Variants in FGFR2 observed in about 807,000 individuals in gnomAD.
The protein encoded by FGFR2 is fibroblast growth factor receptor 2.
FGFR2 carries 19 observed loss-of-function variants against 95.9 expected under a neutral mutation model. That is an observed-to-expected ratio of 0.20 (90% CI 0.14 to 0.29). The LOEUF is 0.29. FGFR2 is among the 10% of genes least tolerant of loss of function. FGFR2 has a pLI of 1.00. For synonymous variants in FGFR2, 392 were observed against 393.3 expected (o/e 1.00, Z 0.04); for missense variants, 707 against 1,056.9 (o/e 0.67, Z 4.59).
At chr10:121,539,458 AC>A (rs1255487009) in intron 5 of FGFR2, among the ~76,000 whole-genome samples, 1 of 152,186 alleles carries the variant, frequency 6.6e-6, no homozygotes. Flanking sequence ...TGTGACTCCT[AC>A]CCAAGGTACC....
At chr10:121,573,295 C>T (rs1301472521) in intron 2 of FGFR2, among the ~76,000 whole-genome samples, 2 of 152,304 alleles carry the variant, frequency 1.3e-5, no homozygotes, top group South Asian at 2.1e-4. Context: ...TTTCTACCAA[C>T]GGCACAGCTC....
chr10:121,505,892 T>G (rs1848203700), intron 9 of FGFR2, among the ~76,000 whole-genome samples: 1 of 152,184 alleles, frequency 6.6e-6, no homozygotes, highest in South Asian at 2.1e-4. Flanking sequence ...TCTGTCCTCC[T>G]AATTCATTCT....
intron 4 of FGFR2, among the ~76,000 whole-genome samples, chr10:121,559,103 C>A (rs2134994317): frequency 3.1e-5 from 3 of 97,618 alleles, no homozygotes; most frequent in Non-Finnish European, 4.1e-5. Context: ...TGTCTCAATC[C>A]AAAAGGAGAA....
intron 4 of FGFR2, among the ~76,000 whole-genome samples, chr10:121,552,168 A>C (rs1373088402): frequency 6.6e-6 from 1 of 152,216 alleles, no homozygotes; most frequent in African/African-American, 2.4e-5. Flanking sequence ...ATGATATGTT[A>C]AAGTTATGCC....
rs1854880785 is a variant in FGFR2 at position 121,548,371 on chromosome 10, A to ATCACTT, written c.624+2913_624+2918dup. 2.0e-5 allele frequency among the ~76,000 whole-genome samples: 3 copies of ATCACTT among 146,366 alleles called. No homozygotes were observed. In the East Asian group the frequency reaches 6.1e-4, roughly 30 times the overall value. The stretch of plus-strand genomic sequence containing the variant: ...AAACGGCTCAGCGTGATACAACAAA[A>ATCACTT]TCACTTTGGTCATCTGCACTCCACA... On this transcript the variant is annotated intron_variant, in intron 5 of 17. Transcript: ENST00000358487.
At chr10:121,514,149 C>T (rs1468882449) in intron 9 of FGFR2, among the ~76,000 whole-genome samples, 1 of 152,234 alleles carries the variant, frequency 6.6e-6, no homozygotes, top group Non-Finnish European at 1.5e-5. Flanking sequence ...GCACCCCGTA[C>T]ATTTTACTAA....
rs143374743 is a variant in FGFR2, at chr10:121,533,159, C to T, written c.748+5433G>A. Among the ~76,000 whole-genome samples the T allele has an allele frequency of 1.7e-3, 261 of 152,296 alleles. 1 individual carries two copies. Among genetic ancestry groups the T allele is most frequent in the African/African-American group, 5.7e-3 (235 of 41,560 alleles). ...ATCTTGGCACTTTGGGAGGCCGAGGCGGGCGGATCACTCCAGGCCAGGTGT... is the reference window on the plus strand; with the variant it reads ...ATCTTGGCACTTTGGGAGGCCGAGGTGGGCGGATCACTCCAGGCCAGGTGT... On this transcript the variant is annotated intron_variant, in intron 6 of 17. Transcript: ENST00000358487.
At chr10:121,567,713 G>A (rs942523090) in intron 2 of FGFR2, among the ~76,000 whole-genome samples, 9 of 152,224 alleles carry the variant, frequency 5.9e-5, no homozygotes, top group African/African-American at 1.9e-4. Context: ...GATGGCCCGC[G>A]GGCCAAGCCA....
intron 13 of FGFR2, among the ~76,000 whole-genome samples, chr10:121,489,989 AC>A (rs1248160546): frequency 6.6e-6 from 1 of 152,138 alleles, no homozygotes; most frequent in Non-Finnish European, 1.5e-5. Flanking sequence ...CCGTCTATCC[AC>A]GTTCTCAGTC....
rs368224180 is a variant in FGFR2 at position 121,538,654 on chromosome 10, T to A, written c.686A>T (p.Tyr229Phe). The A allele has an allele frequency of 1.9e-6, 3 of 1,614,168 alleles. No homozygotes were observed. Among genetic ancestry groups the A allele is most frequent in the Non-Finnish European group, 2.5e-6 (3 of 1,180,034 alleles). ...GTATTCATTCTCCACTACACAGGTA[T>A]AATTTCCCTTGTCAGATGGGACCAC... ...ESVVPSDKGNYTCVVENEYGS... is the reference protein window; with the variant it reads ...ESVVPSDKGNFTCVVENEYGS... The change falls in exon 6 of 18, where the codon TAT becomes TTT. Residue 229 changes from tyrosine to phenylalanine, a missense_variant. Tyr to Phe is a conservative substitution (Grantham distance 22). This residue lies in a region of FGFR2 where 139 missense variants were observed against 278.1 expected (regional missense o/e 0.50). Coordinates refer to ENST00000358487, the MANE Select transcript of FGFR2 (RefSeq NM_000141.5).
At chr10:121,482,910 A>C (rs777838056) in intron 17 of FGFR2, among the ~76,000 whole-genome samples, 6 of 152,032 alleles carry the variant, frequency 3.9e-5, no homozygotes, top group Non-Finnish European at 7.4e-5. Context: ...CGATTCCCCT[A>C]CCTCGCCTCC....
intron 8 of FGFR2, among the ~76,000 whole-genome samples, chr10:121,515,847 T>A (rs1849645250): frequency 6.7e-6 from 1 of 148,942 alleles, no homozygotes; most frequent in African/African-American, 2.5e-5. Context: ...TAGGCTGGTC[T>A]GAAAAAGTTT....
chr10:121,509,975 C>A (rs1456790021), intron 9 of FGFR2, among the ~76,000 whole-genome samples: 1 of 152,056 alleles, frequency 6.6e-6, no homozygotes, highest in Non-Finnish European at 1.5e-5. Context: ...AGGCTGCAAA[C>A]CACCTTCCCC....
intron 2 of FGFR2, among the ~76,000 whole-genome samples, chr10:121,572,768 GGAGA>G: frequency 6.6e-6 from 1 of 152,330 alleles, no homozygotes; most frequent in East Asian, 1.9e-4. Flanking sequence ...CTCTGACTGG[GGAGA>G]GAGAGAAACT....
intron 2 of FGFR2, among the ~76,000 whole-genome samples, chr10:121,575,437 C>T (rs532193830): frequency 1.1e-4 from 17 of 152,252 alleles, no homozygotes; most frequent in Non-Finnish European, 1.8e-4. Context: ...GGTCCCAACA[C>T]GTGTATTAAA....
intron 12 of FGFR2, among the ~76,000 whole-genome samples, chr10:121,497,990 G>A (rs1162212421): frequency 6.6e-6 from 1 of 152,162 alleles, no homozygotes; most frequent in Non-Finnish European, 1.5e-5. Context: ...AACATTCAAT[G>A]GAAGAAGCCA....
intron 4 of FGFR2, among the ~76,000 whole-genome samples, chr10:121,552,691 C>T (rs1364336949): frequency 2.0e-5 from 3 of 152,214 alleles, no homozygotes; most frequent in African/African-American, 7.2e-5. Flanking sequence ...AGGCACACGT[C>T]CTCCTTTTTT....
In FGFR2 at chr10:121,598,048, G is replaced by A. The variant is rs1013618217; in HGVS notation, c.-237C>T. The stretch of plus-strand genomic sequence containing the variant: ...GAGAAAGCGACGAGCCCGGGGTTGC[G>A]GGGAGCAACTCCAAACGCAGAAGAG... On this transcript the variant is annotated 5_prime_UTR_variant, in exon 1 of 18. Transcript: ENST00000358487. 1 of 397,938 alleles carries A rather than the reference G, an allele frequency of 2.5e-6. No individual in the cohort carries two copies. The highest frequency in any genetic ancestry group is 4.4e-6 in the Non-Finnish European group (1 of 225,628). The allele number at this position is 397,938 out of a possible 1,614,324, so 24.7% of individuals were successfully genotyped here.
intron 9 of FGFR2, among the ~76,000 whole-genome samples, chr10:121,507,804 T>C (rs555304866): frequency 2.6e-5 from 4 of 152,308 alleles, no homozygotes; most frequent in African/African-American, 7.2e-5. Context: ...TCTCTCTGGG[T>C]AACTTGGAGC....
Sources: allele counts gnomAD v4.1 joint callset (sites outside exome capture counted in the v4.1 genomes callset), GRCh38; gene constraint gnomAD v4.1.1; regional missense constraint gnomAD v4.1.1; transcripts MANE v1.5; gene names NCBI Gene and HGNC (gene_info 2026-07-23, HGNC 2026-07-21).